The following ALKAL2 variants were observed in gnomAD, a reference collection of about 807,000 sequenced individuals.
ALKAL2 encodes the protein ALK and LTK ligand 2, also known as AUG-alpha.
Under a neutral mutation model 18.5 loss-of-function variants are expected in ALKAL2, and 8 were observed. The ratio of observed to expected loss-of-function variants is 0.43; its 90% CI spans 0.25 to 0.78. ALKAL2 has a LOEUF of 0.78. ALKAL2 is among the 30% of genes least tolerant of loss of function. ALKAL2 has a pLI of 0.22. For synonymous variants in ALKAL2, 135 were observed against 95.8 expected (o/e 1.41, Z -2.39); for missense variants, 241 against 211.2 (o/e 1.14, Z -0.88).
At chr2:283,007 T>A in intron 5 of ALKAL2, 104 bp downstream of exon 5, 6 of 1,219,164 alleles carry the variant, frequency 4.9e-6, no homozygotes. Context: ...ATATGGCTAC[T>A]TCAGCCAAAG....
rs757211371 is a variant in ALKAL2 at position 288,059 on chromosome 2, C to T, written c.-104G>A. On this transcript the variant is annotated 5_prime_UTR_variant, in exon 1 of 6. Coordinates refer to ENST00000403610, the MANE Select transcript of ALKAL2 (RefSeq NM_001002919.3). ...AGCCGGCAGGTGAGGGAGCCGCGGTCTCCTCGACGATCACGCCCGAGGTCC... is the reference window on the plus strand; with the variant it reads ...AGCCGGCAGGTGAGGGAGCCGCGGTTTCCTCGACGATCACGCCCGAGGTCC... 8.3e-7 allele frequency: 1 copy of T among 1,209,546 alleles called. No individual in the cohort carries two copies. Among genetic ancestry groups the T allele is most frequent in the Non-Finnish European group, 1.0e-6 (1 of 975,090 alleles). 74.9% of individuals were successfully genotyped at this position (1,209,546 alleles called of 1,614,324 possible).
Position 283,420 on chromosome 2 carries a change from G to C in ALKAL2, c.389-245C>G, listed in dbSNP as rs182563224. On this transcript the variant is annotated intron_variant, in intron 4 of 5. Coordinates refer to ENST00000403610, the MANE Select transcript of ALKAL2 (RefSeq NM_001002919.3). ...TGTAAGTGGGGCAGCGGAGGGAAGA[G>C]GGACAGACACGAAGGCTGCATGGCT... 7.7e-3 allele frequency: 7,617 copies of C among 985,394 alleles called. 29 individuals are homozygous for C. The highest frequency in any genetic ancestry group is 8.7e-3 in the Non-Finnish European group (7,184 of 829,930). 61.0% of individuals were successfully genotyped at this position (985,394 alleles called of 1,614,324 possible).
intron 5 of ALKAL2, among the ~76,000 whole-genome samples, chr2:281,605 C>T (rs1276204585): frequency 6.6e-6 from 1 of 152,144 alleles, no homozygotes; most frequent in Non-Finnish European, 1.5e-5. Context: ...TGTAACTGCA[C>T]CTGCCTCCAG....
chr2:284,826 T>A lies in ALKAL2; in HGVS notation c.388+1297A>T, dbSNP rs539799915. ...CTATGATCCTATTACTGTAAGGAAA[T>A]AGGTAATATAAAATATATGTACATC... On this transcript the variant is annotated intron_variant, in intron 4 of 5. Coordinates refer to ENST00000403610, the MANE Select transcript of ALKAL2 (RefSeq NM_001002919.3). Among the ~76,000 whole-genome samples, 14 of 152,232 alleles carry A rather than the reference T, an allele frequency of 9.2e-5. No homozygotes were observed. The East Asian group carries it at 1.3e-3, about 15-fold the overall frequency.
rs1176489254 is a variant in ALKAL2, at chr2:287,611, C to A, written c.225G>T (p.Gly75=). Residue 75 remains glycine (G), a synonymous_variant, in exon 2 of 6, where the codon GGG becomes GGT. Coordinates refer to ENST00000403610, the MANE Select transcript of ALKAL2 (RefSeq NM_001002919.3). ...DCALGRAEAA[G]LGPSPEQRVE... ...CTCGCTGCTCCGGCGAAGGCCCCAG[C>A]CCCGCCGCCTCCGCGCGGCCCAGGG... is the stretch of plus-strand genomic sequence containing the variant. The A allele has an allele frequency of 4.7e-6, 7 of 1,476,602 alleles. No individual in the cohort carries two copies. The highest frequency in any genetic ancestry group is 1.3e-5 in the South Asian group (1 of 77,660). 91.5% of individuals were successfully genotyped at this position (1,476,602 alleles called of 1,614,324 possible).
intron 4 of ALKAL2, among the ~76,000 whole-genome samples, chr2:284,648 G>A (rs535712468): frequency 6.6e-6 from 1 of 152,298 alleles, no homozygotes; most frequent in East Asian, 1.9e-4. Context: ...ATCGAATGCA[G>A]GCACAGCATG....
chr2:282,970 A>T, intron 5 of ALKAL2, 141 bp downstream of exon 5: 1 of 894,548 alleles, frequency 1.1e-6, no homozygotes, highest in South Asian at 1.8e-5. Flanking sequence ...GCACTGTGAG[A>T]TGAGTGTTGT....
At position 280,029 on chromosome 2, in the gene ALKAL2, T is replaced by C. The variant is rs753276246; in HGVS notation, c.*118A>G. The C allele has an allele frequency of 3.4e-5, 39 of 1,144,608 alleles. No individual in the cohort carries two copies. The highest frequency in any genetic ancestry group is 4.5e-5 in the Non-Finnish European group (34 of 755,562). 70.9% of individuals were successfully genotyped at this position (1,144,608 alleles called of 1,614,324 possible). A position where few individuals can be genotyped will look rare whatever the true frequency, so the allele number is the denominator to read the frequency against. On this transcript the variant is annotated 3_prime_UTR_variant, in exon 6 of 6. Transcript: ENST00000403610. ...AACTCAAAGGACTTATGGAAGAGTCTGTCTGCAAAAATAAATCTCTTGTCC... is the reference window on the plus strand; with the variant it reads ...AACTCAAAGGACTTATGGAAGAGTCCGTCTGCAAAAATAAATCTCTTGTCC...
At chr2:281,846 T>C (rs538231803) in intron 5 of ALKAL2, among the ~76,000 whole-genome samples, 149 of 151,290 alleles carry the variant, frequency 9.8e-4, no homozygotes, top group African/African-American at 3.5e-3. Flanking sequence ...GTGACAGGAA[T>C]GTACATCTGT....
chr2:284,845 G>T (rs1670455120), intron 4 of ALKAL2, among the ~76,000 whole-genome samples: 1 of 152,140 alleles, frequency 6.6e-6, no homozygotes, highest in Non-Finnish European at 1.5e-5. Flanking sequence ...TAAAATATAT[G>T]TACATCAAAA....
chr2:285,034 G>A (rs891648463), intron 4 of ALKAL2, among the ~76,000 whole-genome samples: 4 of 152,162 alleles, frequency 2.6e-5, no homozygotes, highest in African/African-American at 4.8e-5. Context: ...TGGCCTTGGC[G>A]TGAGGATGAT....
chr2:280,269 A>G, intron 5 of ALKAL2, 117 bp from the exon 6 acceptor site: 1 of 1,115,934 alleles, frequency 9.0e-7, no homozygotes, highest in South Asian at 1.3e-5. Context: ...GCAGTCTCAG[A>G]GTGCATCTGT....
chr2:285,127 C>A (rs1670467119), intron 4 of ALKAL2, among the ~76,000 whole-genome samples: 1 of 152,194 alleles, frequency 6.6e-6, no homozygotes, highest in African/African-American at 2.4e-5. Flanking sequence ...AGTGCATGTG[C>A]CTTAGCCTTG....
At position 286,489 on chromosome 2, in the gene ALKAL2, A is replaced by T. The variant is rs1572208740; in HGVS notation, c.254-146T>A. 4.1e-5 allele frequency: 25 copies of T among 610,448 alleles called. No individual in the cohort carries two copies. In the East Asian group the frequency reaches 6.9e-4, roughly 17 times the overall value. 37.8% of individuals were successfully genotyped at this position (610,448 alleles called of 1,614,324 possible). On this transcript the variant is annotated intron_variant, in intron 2 of 5. Coordinates refer to ENST00000403610, the MANE Select transcript of ALKAL2 (RefSeq NM_001002919.3). ...AAAAAAGACTGGGGCCCTGGATTGC[A>T]ACACACGACAGTGAAGAAGACTCAA...
Position 279,925 on chromosome 2 carries a change from T to G in ALKAL2, c.*222A>C, listed in dbSNP as rs990512254. On this transcript the variant is annotated 3_prime_UTR_variant, in exon 6 of 6. Transcript: ENST00000403610. ...GTGGAGCATTCCTTTTGTGTTTTTTTTTTAAATAAGTGACAGATAACACTG... is the reference window on the plus strand; with the variant it reads ...GTGGAGCATTCCTTTTGTGTTTTTTGTTTAAATAAGTGACAGATAACACTG... 1.4e-5 allele frequency: 7 copies of G among 507,262 alleles called. No individual in the cohort carries two copies. In the Admixed American group the frequency reaches 2.0e-4, roughly 15 times the overall value. 31.4% of individuals were successfully genotyped at this position (507,262 alleles called of 1,614,324 possible).
chr2:283,369 G>C (rs1042241293), intron 4 of ALKAL2, 194 bp from the exon 5 acceptor site: 5 of 985,320 alleles, frequency 5.1e-6, no homozygotes, highest in Non-Finnish European at 6.0e-6. Context: ...TCAAGGGCTT[G>C]AGCTTCAATG....
At chr2:285,923 A>C in intron 4 of ALKAL2, 200 bp downstream of exon 4, 1 of 553,432 alleles carries the variant, frequency 1.8e-6, no homozygotes, top group Non-Finnish European at 3.2e-6. Flanking sequence ...ACTGTAAATA[A>C]TTTCCAGTTT....
At position 279,841 on chromosome 2, in the gene ALKAL2, C is replaced by T. The variant is rs1277195015; in HGVS notation, c.*306G>A. ...TATGTTTCTAAAGAAATATTTTTTG[C>T]GATTTCACCTAATGAAGACAATGAA... On this transcript the variant is annotated 3_prime_UTR_variant, in exon 6 of 6. Coordinates refer to ENST00000403610, the MANE Select transcript of ALKAL2 (RefSeq NM_001002919.3). The T allele has an allele frequency of 1.8e-5, 6 of 326,834 alleles. No individual in the cohort carries two copies. Among genetic ancestry groups the T allele is most frequent in the Non-Finnish European group, 2.2e-5 (4 of 179,890 alleles). The allele number at this position is 326,834 out of a possible 1,614,324, so 20.2% of individuals were successfully genotyped here. A position where few individuals can be genotyped will look rare whatever the true frequency, so the allele number is the denominator to read the frequency against.
chr2:286,970 GTTCTTCTTGAGTTCAGC>G (rs1320259930), intron 2 of ALKAL2: 3 of 152,166 alleles, frequency 2.0e-5, no homozygotes, highest in African/African-American at 7.2e-5. Flanking sequence ...CTGCAAGGGC[GTTCTTCTTGAGTTCAGC>G]TTTGTTTTTG....
Sources: allele counts gnomAD v4.1 joint callset (sites outside exome capture counted in the v4.1 genomes callset), GRCh38; gene constraint gnomAD v4.1.1; transcripts MANE v1.5; gene names NCBI Gene and HGNC (gene_info 2026-07-23, HGNC 2026-07-21).